Variants in TMEFF2 observed in about 807,000 individuals in gnomAD.
The protein encoded by TMEFF2 is tomoregulin-2.
TMEFF2 carries 28 observed loss-of-function variants against 53.8 expected under a neutral mutation model. The ratio of observed to expected loss-of-function variants is 0.52; its 90% CI spans 0.39 to 0.71. The LOEUF (loss-of-function observed/expected upper bound fraction) is 0.71. Among genes scored for constraint, TMEFF2 ranks in the 30% least tolerant of loss-of-function variants. TMEFF2 has a pLI of 0.00. For synonymous variants in TMEFF2, 162 were observed against 166.3 expected, an observed-to-expected ratio of 0.97 and a Z score of 0.20; for missense variants, 353 against 455.2, an observed-to-expected ratio of 0.78 and a Z score of 2.04.
rs1691787151 is a variant in TMEFF2 at position 191,949,090 on chromosome 2, C to T, written c.*1221G>A. ...GCTTTATTTAAATTTACTGTGTTAG[C>T]CATGGAAAGCTTTGCAGAGCTAAAT... is the stretch of plus-strand genomic sequence containing the variant. On this transcript the variant is annotated 3_prime_UTR_variant, in exon 10 of 10. Coordinates refer to ENST00000272771, the MANE Select transcript of TMEFF2 (RefSeq NM_016192.4). 1.0e-6 allele frequency: 1 copy of T among 984,972 alleles called. No homozygotes were observed. The highest frequency in any genetic ancestry group is 1.7e-5 in the African/African-American group (1 of 57,226). The allele number at this position is 984,972 out of a possible 1,614,324, so 61.0% of individuals were successfully genotyped here. A position where few individuals can be genotyped will look rare whatever the true frequency, so the allele number is the denominator to read the frequency against.
chr2:192,180,641 T>C (rs986367082), intron 3 of TMEFF2, among the ~76,000 whole-genome samples: 7 of 151,728 alleles, frequency 4.6e-5, no homozygotes, highest in African/African-American at 9.7e-5. Context: ...TCAAGACTTA[T>C]ACCAAATGCC....
At chr2:192,024,895 T>C (rs1028693139) in intron 5 of TMEFF2, among the ~76,000 whole-genome samples, 3 of 152,204 alleles carry the variant, frequency 2.0e-5, no homozygotes, top group Non-Finnish European at 2.9e-5. Flanking sequence ...CTAAATTAAG[T>C]TCATTGCATG....
intron 4 of TMEFF2, among the ~76,000 whole-genome samples, chr2:192,090,475 C>T (rs768521480): frequency 6.6e-6 from 1 of 152,062 alleles, no homozygotes; most frequent in East Asian, 1.9e-4. Context: ...TAATAAAAAG[C>T]AATCTATTAT....
chr2:192,030,783 A>G (rs2105872022), intron 5 of TMEFF2: 1 of 152,336 alleles, frequency 6.6e-6, no homozygotes, highest in Middle Eastern at 3.4e-3. Context: ...CTGTGGAGAT[A>G]AATTTTTAGG....
At chr2:192,048,470 AT>A (rs34881269) in intron 5 of TMEFF2, among the ~76,000 whole-genome samples, 9 of 150,086 alleles carry the variant, frequency 6.0e-5, no homozygotes, top group South Asian at 2.1e-4. Flanking sequence ...TTGTATTTCT[AT>A]TTTTTTTTAA....
chr2:192,185,260 G>T (rs557595859), intron 2 of TMEFF2, among the ~76,000 whole-genome samples: 15 of 151,692 alleles, frequency 9.9e-5, no homozygotes, highest in Middle Eastern at 3.4e-3. Flanking sequence ...CAACCAACAG[G>T]GTATAGTCAT....
At chr2:192,082,170 T>C (rs566295282) in intron 4 of TMEFF2, among the ~76,000 whole-genome samples, 12 of 152,314 alleles carry the variant, frequency 7.9e-5, no homozygotes, top group African/African-American at 2.4e-4. Context: ...TCTTTATAAA[T>C]AGATTTTTTA....
chr2:192,194,427 G>C lies in TMEFF2; in HGVS notation c.98C>G (p.Ala33Gly). The C allele has an allele frequency of 6.2e-7, 1 of 1,614,092 alleles. No individual in the cohort carries two copies. The highest frequency in any genetic ancestry group is 1.1e-5 in the South Asian group (1 of 91,078). ...LLLPVMLLIV[A>G]RPVKLAAFPT... ...GAAAGCAGCGAGCTTCACCGGGCGG[G>C]CTACGATGAGTAGCATGACGGGCAG... is the stretch of plus-strand genomic sequence containing the variant. The change falls in exon 1 of 10, where the codon GCC (alanine) becomes GGC (glycine). Residue 33 changes from alanine (A) to glycine (G), a missense_variant. By Grantham distance (60) the Ala-to-Gly change is moderately conservative (BLOSUM62 0). Transcript: ENST00000272771. The surrounding 1 kb of genome is among the most constrained non-coding windows in gnomAD (Gnocchi z 4.2).
intron 5 of TMEFF2, chr2:192,021,871 A>G (rs910698644): frequency 6.6e-6 from 1 of 152,232 alleles, no homozygotes; most frequent in African/African-American, 2.4e-5. Context: ...TCCTTAGCTC[A>G]TAGCTTAGTT....
In TMEFF2 at chr2:192,075,296, T is replaced by TATATATAA. The variant is rs1357041628; in HGVS notation, c.440-17522_440-17521insTTATATAT. ...AGAGTACAGTACTATTATATATATA[T>TATATATAA]ATATATATATATATATATATATATA... On this transcript the variant is annotated intron_variant, in intron 4 of 9. Coordinates refer to ENST00000272771, the MANE Select transcript of TMEFF2 (RefSeq NM_016192.4). 5.5e-4 allele frequency among the ~76,000 whole-genome samples: 18 copies of TATATATAA among 32,966 alleles called. 1 individual carries two copies. Among genetic ancestry groups the TATATATAA allele is most frequent in the Non-Finnish European group, 8.5e-4 (14 of 16,568 alleles). The allele number at this position is 32,966 out of a possible 152,430, so 21.6% of individuals were successfully genotyped here.
chr2:192,029,359 C>T (rs1687058636), intron 5 of TMEFF2: 1 of 152,274 alleles, frequency 6.6e-6, no homozygotes, highest in South Asian at 2.1e-4. Flanking sequence ...AGAAGCACAG[C>T]TAAGCCACAC....
intron 7 of TMEFF2, among the ~76,000 whole-genome samples, chr2:191,994,266 T>G (rs143435578): frequency 0.013 from 1,957 of 152,072 alleles, 36 homozygotes; most frequent in African/African-American, 0.043. Context: ...AAAATACAAA[T>G]GTATTTTAAT....
intron 4 of TMEFF2, among the ~76,000 whole-genome samples, chr2:192,058,068 G>A (rs78595086): frequency 0.055 from 8,426 of 152,270 alleles, 326 homozygotes; most frequent in Non-Finnish European, 0.073. Flanking sequence ...TAGACCATAT[G>A]AAAGAGTTAT....
intron 5 of TMEFF2, among the ~76,000 whole-genome samples, chr2:192,056,896 T>C (rs377288575): frequency 6.6e-6 from 1 of 152,198 alleles, no homozygotes; most frequent in South Asian, 2.1e-4. Flanking sequence ...TGAGCTCTTA[T>C]CAGACACTAA....
At position 192,030,940 on chromosome 2, in the gene TMEFF2, G is replaced by C. The variant is rs1412274426; in HGVS notation, c.536+26739C>G. 2.6e-5 allele frequency among the ~76,000 whole-genome samples: 4 copies of C among 152,194 alleles called. No individual in the cohort carries two copies. In the East Asian group the frequency reaches 7.7e-4, roughly 29 times the overall value. ...GGTTGGGCGGGGCGGGGAGTTGATG[G>C]GTTAAATTGGGACATACAGAGTCAA... On this transcript the variant is annotated intron_variant, in intron 5 of 9. Transcript: ENST00000272771.
chr2:192,017,061 G>T (rs1380056228), intron 5 of TMEFF2, among the ~76,000 whole-genome samples: 1 of 152,196 alleles, frequency 6.6e-6, no homozygotes, highest in Non-Finnish European at 1.5e-5. Flanking sequence ...GTAGGACTTG[G>T]TCGGGCACAG....
intron 4 of TMEFF2, among the ~76,000 whole-genome samples, chr2:192,075,296 T>TAA (rs1688387683): frequency 6.1e-5 from 2 of 32,966 alleles, no homozygotes; most frequent in East Asian, 4.8e-4. Flanking sequence ...TATATATATA[T>TAA]ATATATATAT....
At chr2:192,066,444 A>T (rs563943607) in intron 4 of TMEFF2, among the ~76,000 whole-genome samples, 1 of 151,908 alleles carries the variant, frequency 6.6e-6, no homozygotes, top group Non-Finnish European at 1.5e-5. Flanking sequence ...GAAAAGCCCA[A>T]GAACCAAGCT....
chr2:192,062,107 GAAC>G (rs759779494), intron 4 of TMEFF2, among the ~76,000 whole-genome samples: 15 of 151,866 alleles, frequency 9.9e-5, no homozygotes, highest in Non-Finnish European at 1.5e-4. Context: ...AAGACACATA[GAAC>G]AACTCTATCA....
Sources: gnomAD v4.1 joint callset for allele counts (sites outside exome capture counted in the v4.1 genomes callset) on GRCh38, gnomAD v4.1.1 for gene constraint, Gnocchi (gnomAD v3.1) non-coding constraint, MANE v1.5 for transcripts, NCBI Gene and HGNC (gene_info 2026-07-23, HGNC 2026-07-21) for gene names.